The following PACS1 variants were observed in gnomAD, a reference collection of about 807,000 sequenced individuals.
PACS1 encodes PACS-1.
Under a neutral mutation model 115.0 loss-of-function variants are expected in PACS1, and 24 were observed. That is an observed-to-expected ratio of 0.21 (90% CI 0.15 to 0.29). The LOEUF (loss-of-function observed/expected upper bound fraction) is 0.29. PACS1 is among the 10% of genes least tolerant of loss of function. PACS1 has a pLI of 1.00. For synonymous variants in PACS1, 453 were observed against 504.5 expected, an observed-to-expected ratio of 0.90 and a Z score of 1.37; for missense variants, 838 against 1,251.2, an observed-to-expected ratio of 0.67 and a Z score of 4.98.
chr11:66,187,816 C>T (rs542894476), intron 1 of PACS1, among the ~76,000 whole-genome samples: 9 of 152,244 alleles, frequency 5.9e-5, no homozygotes, highest in Admixed American at 2.0e-4. Context: ...TCCTTTGAAC[C>T]GATTCCCAGT....
chr11:66,211,032 A>G, intron 3 of PACS1, 102 bp from the exon 4 acceptor site: 1 of 1,361,858 alleles, frequency 7.3e-7, no homozygotes, highest in Non-Finnish European at 1.0e-6. Context: ...CCCCTTTTAG[A>G]GACAGGAAGA....
chr11:66,177,715 A>G (rs10896090), intron 1 of PACS1, among the ~76,000 whole-genome samples: 24,589 of 152,020 alleles, frequency 0.16, 2,239 homozygotes, highest in Middle Eastern at 0.28. Context: ...GGTTCAAGCA[A>G]TCCTCCCATC....
intron 1 of PACS1, among the ~76,000 whole-genome samples, chr11:66,180,187 G>T (rs989742348): frequency 6.6e-6 from 1 of 151,952 alleles, no homozygotes; most frequent in Non-Finnish European, 1.5e-5. Flanking sequence ...GAGCACAAAT[G>T]CTCCACTGCA....
chr11:66,164,583 T>C (rs1859557401), intron 1 of PACS1, among the ~76,000 whole-genome samples: 1 of 145,592 alleles, frequency 6.9e-6, no homozygotes, highest in African/African-American at 2.5e-5. Context: ...ATATTTTATA[T>C]ATGTATTATA....
In PACS1 at chr11:66,220,722, A is replaced by G; in HGVS notation, c.1130A>G (p.Asn377Ser). 1.9e-6 allele frequency: 3 copies of G among 1,613,924 alleles called. No homozygotes were observed. Among genetic ancestry groups the G allele is most frequent in the South Asian group, 1.1e-5 (1 of 91,070 alleles). Residue 377 changes from asparagine to serine, a missense_variant, in exon 9 of 24, where the codon AAC (asparagine) becomes AGC (serine). Asn to Ser is a conservative substitution (Grantham distance 46). Around this residue, in one of 6 missense-constraint regions of PACS1, gnomAD observed 223 missense variants for 354.0 expected, o/e 0.63. Coordinates refer to ENST00000320580, the MANE Select transcript of PACS1 (RefSeq NM_018026.4). Reference sequence around the variant, plus strand: ...TTGTATGACAGTCTGGAGATGTACAACCCCAGCGACAGTGGCCCTGAGATG... The same window carrying G: ...TTGTATGACAGTCTGGAGATGTACAGCCCCAGCGACAGTGGCCCTGAGATG... ...DELYDSLEMY[N>S]PSDSGPEMEE...
rs1859011879 is a variant in PACS1 at position 66,142,355 on chromosome 11, G to A, written c.357-51131G>A. ...TTTGGGTGAGACAAGGTCTCACACT[G>A]TCGCCCAGGCTGGAGTGCAATGCCG... On this transcript the variant is annotated intron_variant, in intron 1 of 23. Coordinates refer to ENST00000320580, the MANE Select transcript of PACS1 (RefSeq NM_018026.4). Among the ~76,000 whole-genome samples, 3 of 152,172 alleles carry A rather than the reference G, an allele frequency of 2.0e-5. No individual in the cohort carries two copies. In the South Asian group the frequency reaches 6.2e-4, roughly 32 times the overall value.
chr11:66,162,263 A>G (rs569349243), intron 1 of PACS1, among the ~76,000 whole-genome samples: 1 of 151,772 alleles, frequency 6.6e-6, no homozygotes, highest in Admixed American at 6.6e-5. Context: ...CTGGGATTAC[A>G]GGCACCCGCC....
intron 19 of PACS1, among the ~76,000 whole-genome samples, chr11:66,237,881 G>C (rs945181189): frequency 6.6e-6 from 1 of 152,244 alleles, no homozygotes; most frequent in African/African-American, 2.4e-5. Flanking sequence ...AATCGGGACA[G>C]ACTTCAGCAA....
At chr11:66,185,935 A>T (rs557715575) in intron 1 of PACS1, among the ~76,000 whole-genome samples, 1 of 152,138 alleles carries the variant, frequency 6.6e-6, no homozygotes, top group African/African-American at 2.4e-5. Flanking sequence ...CACAACAGAA[A>T]AACCACAAAG....
At chr11:66,080,801 C>T (rs550968517) in intron 1 of PACS1, among the ~76,000 whole-genome samples, 2 of 152,138 alleles carry the variant, frequency 1.3e-5, no homozygotes, top group Non-Finnish European at 1.5e-5. Flanking sequence ...TCATAGACAG[C>T]GAGAGGCTGT....
chr11:66,172,974 C>CAA (rs10684950), intron 1 of PACS1, among the ~76,000 whole-genome samples: 22,975 of 88,026 alleles, frequency 0.26, 2,191 homozygotes, highest in Middle Eastern at 0.39. Context: ...GACTCTGTCT[C>CAA]AAAAAAAAAA....
In PACS1 at chr11:66,175,631, T is replaced by G. The variant is rs137861574; in HGVS notation, c.357-17855T>G. ...ACTGTACAAACTCCATCAGTCCCAG[T>G]GGCCTTTAGGGGACATGGAGTGTGC... On this transcript the variant is annotated intron_variant, in intron 1 of 23. Transcript: ENST00000320580. Among the ~76,000 whole-genome samples, 401 of 152,326 alleles carry G rather than the reference T, an allele frequency of 2.6e-3. 3 individuals carry two copies. The highest frequency in any genetic ancestry group is 9.1e-3 in the African/African-American group (379 of 41,572).
chr11:66,182,982 T>C (rs909225461), intron 1 of PACS1, among the ~76,000 whole-genome samples: 2 of 151,922 alleles, frequency 1.3e-5, no homozygotes, highest in Non-Finnish European at 2.9e-5. Flanking sequence ...ATACAAAAAT[T>C]ATCTGGGTGT....
chr11:66,087,266 A>C (rs1001191826), intron 1 of PACS1, among the ~76,000 whole-genome samples: 7 of 151,178 alleles, frequency 4.6e-5, no homozygotes. Context: ...TTTGAGACAG[A>C]GTCTTGCTCT....
intron 1 of PACS1, chr11:66,120,882 T>C (rs1318857518): frequency 2.5e-6 from 1 of 397,752 alleles, no homozygotes; most frequent in Admixed American, 2.9e-5. Context: ...CAGAGCCCAG[T>C]TCAAGGGACG....
intron 10 of PACS1, among the ~76,000 whole-genome samples, chr11:66,224,195 CAAAAAAAAAA>C (rs71036281): frequency 1.2e-5 from 1 of 81,350 alleles, no homozygotes; most frequent in African/African-American, 5.2e-5. Context: ...GACTCCATCT[CAAAAAAAAAA>C]AAAAAAAAAA....
chr11:66,192,829 G>T (rs2134672964), intron 1 of PACS1, among the ~76,000 whole-genome samples: 1 of 152,298 alleles, frequency 6.6e-6, no homozygotes, highest in African/African-American at 2.4e-5. Flanking sequence ...CCACAGTGAG[G>T]GACAATCCTG....
chr11:66,179,322 C>T (rs980469501), intron 1 of PACS1, among the ~76,000 whole-genome samples: 1 of 152,102 alleles, frequency 6.6e-6, no homozygotes, highest in African/African-American at 2.4e-5. Flanking sequence ...AGTACACATT[C>T]GAGGGTCAAA....
chr11:66,109,931 T>C (rs1268654929), intron 1 of PACS1, among the ~76,000 whole-genome samples: 1 of 152,170 alleles, frequency 6.6e-6, no homozygotes, highest in Non-Finnish European at 1.5e-5. Context: ...GATGCAGTAT[T>C]TTGTGAAGTT....
Sources: gnomAD v4.1 joint callset for allele counts (sites outside exome capture counted in the v4.1 genomes callset) on GRCh38, gnomAD v4.1.1 for gene constraint, gnomAD v4.1.1 regional missense constraint, MANE v1.5 for transcripts, NCBI Gene and HGNC (gene_info 2026-07-23, HGNC 2026-07-21) for gene names.